Variants in IAPP observed in about 807,000 individuals in gnomAD.
The protein encoded by IAPP is islet amyloid polypeptide, also known as Islet amyloid polypeptide (diabetes-associated peptide; amylin).
A neutral mutation model predicts 2.9 loss-of-function variants in IAPP; 4 were observed. That is an observed-to-expected ratio of 1.39 (90% confidence interval 0.69 to 3.19). The LOEUF is 3.19. Among genes scored for constraint, IAPP ranks in the 30% most tolerant of loss-of-function variants. The pLI is 0.01. For missense variants in IAPP, 114 were observed against 105.3 expected (o/e 1.08, Z -0.36); for synonymous variants, 40 against 42.1 (o/e 0.95, Z 0.19).
At chr12:21,370,331 C>CT (rs539121076), upstream of IAPP, among the ~76,000 whole-genome samples, 4,818 of 145,502 alleles carry the variant, frequency 0.033, 117 homozygotes, top group Non-Finnish European at 0.049. Context: ...TCTTCCTTTT[C>CT]TTTTTTTTTT....
intron 2 of IAPP, chr12:21,373,716 C>CA (rs1939973158): frequency 7.1e-6 from 5 of 700,866 alleles, no homozygotes; most frequent in Non-Finnish European, 1.0e-5. Context: ...GAACATGAAG[C>CA]GGGAAAAAAA....
upstream of IAPP, among the ~76,000 whole-genome samples, chr12:21,370,572 G>C (rs1190444815): frequency 6.7e-6 from 1 of 148,242 alleles, no homozygotes; most frequent in African/African-American, 2.5e-5. Flanking sequence ...GAGTGAGAAC[G>C]TGCAGTGTTT....
upstream of IAPP, among the ~76,000 whole-genome samples, chr12:21,371,107 T>G (rs1033862878): frequency 4.6e-5 from 7 of 152,150 alleles, no homozygotes; most frequent in African/African-American, 1.7e-4. Flanking sequence ...GATTAAGGGA[T>G]GGTTTATGCG....
At chr12:21,376,222 C>A in intron 2 of IAPP, 1 of 165,558 alleles carries the variant, frequency 6.0e-6, no homozygotes, top group Non-Finnish European at 1.4e-5. Context: ...TAAAGTATTT[C>A]ACACTGTGCT....
chr12:21,364,302 G>T (rs530074670), intron 1 of IAPP, among the ~76,000 whole-genome samples: 34 of 152,278 alleles, frequency 2.2e-4, no homozygotes, highest in Admixed American at 4.6e-4. Flanking sequence ...AAAACCACAT[G>T]ATTATCTCAA....
chr12:21,357,573 C>A (rs1938471622), intron 1 of IAPP, among the ~76,000 whole-genome samples: 1 of 152,216 alleles, frequency 6.6e-6, no homozygotes, highest in Admixed American at 6.5e-5. Context: ...TTGACCAAAT[C>A]TCCAACTGGA....
Position 21,378,721 on chromosome 12 carries a change from A to G in IAPP, c.*295A>G. 3.5e-6 allele frequency: 1 copy of G among 284,904 alleles called. No individual in the cohort carries two copies. Among genetic ancestry groups the G allele is most frequent in the Non-Finnish European group, 6.7e-6 (1 of 150,220 alleles). The allele number at this position is 284,904 out of a possible 1,614,324, so 17.6% of individuals were successfully genotyped here. A position where few individuals can be genotyped will look rare whatever the true frequency, so the allele number is the denominator to read the frequency against. On this transcript the variant is annotated 3_prime_UTR_variant, in exon 3 of 3. Transcript: ENST00000240652. ...ACAGGTTTAAGAACGAAGGAGAAAAAGGTAGTTTGAACCTTGGTAAATTGT... is the reference window on the plus strand; with the variant it reads ...ACAGGTTTAAGAACGAAGGAGAAAAGGGTAGTTTGAACCTTGGTAAATTGT...
chr12:21,376,926 C>A (rs1222111232), intron 2 of IAPP, among the ~76,000 whole-genome samples: 4 of 152,064 alleles, frequency 2.6e-5, no homozygotes, highest in Non-Finnish European at 5.9e-5. Flanking sequence ...CTCTAACTTT[C>A]CTAATAATCA....
chr12:21,375,812 G>C (rs1283158019), intron 2 of IAPP, among the ~76,000 whole-genome samples: 1 of 152,168 alleles, frequency 6.6e-6, no homozygotes, highest in Non-Finnish European at 1.5e-5. Context: ...CTCTCTTAAA[G>C]TCAAGAATTT....
At chr12:21,363,181 T>A (rs1939073401) in intron 1 of IAPP, among the ~76,000 whole-genome samples, 1 of 152,080 alleles carries the variant, frequency 6.6e-6, no homozygotes, top group Non-Finnish European at 1.5e-5. Flanking sequence ...AGAACAGAAA[T>A]TATAACAAAC....
upstream of IAPP, among the ~76,000 whole-genome samples, chr12:21,371,814 C>T (rs1000079821): frequency 1.4e-4 from 21 of 151,978 alleles, no homozygotes; most frequent in African/African-American, 5.1e-4. Flanking sequence ...ACCAGCCTGA[C>T]CAACATAGAG....
At chr12:21,374,723 G>T (rs970769595) in intron 2 of IAPP, among the ~76,000 whole-genome samples, 2 of 152,092 alleles carry the variant, frequency 1.3e-5, no homozygotes, top group Admixed American at 1.3e-4. Flanking sequence ...GTATTTCCTA[G>T]TATATCTGTT....
chr12:21,362,135 C>G (rs1049733275), intron 1 of IAPP, among the ~76,000 whole-genome samples: 3 of 152,104 alleles, frequency 2.0e-5, no homozygotes, highest in African/African-American at 7.2e-5. Flanking sequence ...ATGTTAAGGG[C>G]AGCCAGAGAG....
At chr12:21,358,876 C>T (rs1475685044) in intron 1 of IAPP, among the ~76,000 whole-genome samples, 1 of 151,996 alleles carries the variant, frequency 6.6e-6, no homozygotes, top group Non-Finnish European at 1.5e-5. Flanking sequence ...CTTCATTTAA[C>T]CATGGCAATA....
intron 1 of IAPP, among the ~76,000 whole-genome samples, chr12:21,359,148 T>C (rs1938612872): frequency 6.6e-6 from 1 of 152,190 alleles, no homozygotes; most frequent in African/African-American, 2.4e-5. Flanking sequence ...AAGATTTTTA[T>C]ATACTTTAAG....
At chr12:21,374,189 A>C (rs192566379) in intron 2 of IAPP, among the ~76,000 whole-genome samples, 24 of 152,332 alleles carry the variant, frequency 1.6e-4, no homozygotes, top group Admixed American at 1.4e-3. Context: ...ACATCTAACA[A>C]CTATGTCACG....
At chr12:21,359,834 T>C (rs976317906) in intron 1 of IAPP, among the ~76,000 whole-genome samples, 2 of 152,144 alleles carry the variant, frequency 1.3e-5, no homozygotes, top group East Asian at 1.9e-4. Flanking sequence ...ACACAAAGAC[T>C]TGTACATGAA....
chr12:21,377,842 T>C (rs992916996), intron 2 of IAPP, among the ~76,000 whole-genome samples: 3 of 152,200 alleles, frequency 2.0e-5, no homozygotes, highest in Non-Finnish European at 4.4e-5. Context: ...GAAATAATTA[T>C]TTTTAAATTT....
chr12:21,371,677 T>A (rs1402655503), upstream of IAPP, among the ~76,000 whole-genome samples: 1 of 152,186 alleles, frequency 6.6e-6, no homozygotes, highest in African/African-American at 2.4e-5. Flanking sequence ...GTTGTTCTAT[T>A]AATAACTAAG....
Sources: gnomAD v4.1 joint callset for allele counts (sites outside exome capture counted in the v4.1 genomes callset) on GRCh38, gnomAD v4.1.1 for gene constraint, MANE v1.5 for transcripts, NCBI Gene and HGNC (gene_info 2026-07-23, HGNC 2026-07-21) for gene names.